The following PTPRD variants were observed in gnomAD, a reference collection of about 807,000 sequenced individuals.
PTPRD encodes protein tyrosine phosphatase receptor type D.
A neutral mutation model predicts 214.5 loss-of-function variants in PTPRD; 34 were observed. The ratio of observed to expected loss-of-function variants is 0.16; its 90% CI spans 0.12 to 0.21. PTPRD has a LOEUF of 0.21. PTPRD is among the 10% of genes least tolerant of loss of function. The probability of loss-of-function intolerance (pLI) is 1.00; values close to 1 mark genes in which losing one functional copy is unlikely to be tolerated. For synonymous variants in PTPRD, 1,128 were observed against 845.7 expected (o/e 1.33, Z -5.79); for missense variants, 2,545 against 2,398.7 (o/e 1.06, Z -1.27).
intron 9 of PTPRD, among the ~76,000 whole-genome samples, chr9:9,351,554 G>A (rs2051150041): frequency 6.6e-6 from 1 of 151,946 alleles, no homozygotes; most frequent in East Asian, 1.9e-4. Context: ...TAATCAGGGA[G>A]GCCAAATAAA....
chr9:10,579,121 T>C (rs1002035628), intron 2 of PTPRD, among the ~76,000 whole-genome samples: 1 of 151,966 alleles, frequency 6.6e-6, no homozygotes, highest in Non-Finnish European at 1.5e-5. Flanking sequence ...CCCCTCCCTG[T>C]GTGGATTACT....
Position 10,170,576 on chromosome 9 carries a change from A to C in PTPRD, c.-544-136786T>G, listed in dbSNP as rs1195085479. Among the ~76,000 whole-genome samples, 61 of 151,778 alleles carry C rather than the reference A, an allele frequency of 4.0e-4. 1 individual carries two copies. The highest frequency in any genetic ancestry group is 4.0e-3 in the Admixed American group (61 of 15,232). On this transcript the variant is annotated intron_variant, in intron 3 of 45. Transcript: ENST00000381196. ...GTGGCAGGCGCCTGTAGTCCCAGCTACTCTGGAGGCTGAGGCAGGAGAATG... is the reference window on the plus strand; with the variant it reads ...GTGGCAGGCGCCTGTAGTCCCAGCTCCTCTGGAGGCTGAGGCAGGAGAATG...
At chr9:8,734,440 G>C (rs1033527950) in intron 11 of PTPRD, among the ~76,000 whole-genome samples, 4 of 152,212 alleles carry the variant, frequency 2.6e-5, no homozygotes, top group Non-Finnish European at 5.9e-5. Context: ...AACTTCTCCA[G>C]GTAAATAGCA....
At chr9:8,996,777 C>T (rs2099398476) in intron 11 of PTPRD, among the ~76,000 whole-genome samples, 1 of 152,018 alleles carries the variant, frequency 6.6e-6, no homozygotes, top group Admixed American at 6.6e-5. Context: ...GCCTAATCAC[C>T]TCCCCAAGGC....
At chr9:9,553,381 C>T (rs1315616180) in intron 8 of PTPRD, among the ~76,000 whole-genome samples, 1 of 152,012 alleles carries the variant, frequency 6.6e-6, no homozygotes, top group African/African-American at 2.4e-5. Flanking sequence ...ATTGTACAAA[C>T]CTAATCACTT....
chr9:9,363,186 T>G (rs546467104), intron 9 of PTPRD, among the ~76,000 whole-genome samples: 69 of 150,888 alleles, frequency 4.6e-4, no homozygotes, highest in Admixed American at 9.3e-4. Context: ...TTTGGTTGTT[T>G]CTTGTTTTTG....
chr9:9,202,415 C>A (rs1468188006), intron 9 of PTPRD, among the ~76,000 whole-genome samples: 3 of 152,074 alleles, frequency 2.0e-5, no homozygotes, highest in African/African-American at 7.2e-5. Flanking sequence ...TTAAAGCTGT[C>A]CCTGACAGCT....
Position 8,644,471 on chromosome 9 carries a change from T to C in PTPRD, c.65-7627A>G, listed in dbSNP as rs185620491. Among the ~76,000 whole-genome samples, 513 of 152,302 alleles carry C rather than the reference T, an allele frequency of 3.4e-3. 2 individuals are homozygous for C. Among genetic ancestry groups the C allele is most frequent in the African/African-American group, 0.012 (492 of 41,572 alleles). ...CCAACTGGCAAGGCTAAAAGAGCTG[T>C]AACACAAACAGGGCTGAAACATGCC... is the stretch of plus-strand genomic sequence containing the variant. On this transcript the variant is annotated intron_variant, in intron 12 of 45. Coordinates refer to ENST00000381196, the MANE Select transcript of PTPRD (RefSeq NM_002839.4).
chr9:9,721,765 C>A (rs61203766), intron 7 of PTPRD, among the ~76,000 whole-genome samples: 2,285 of 152,110 alleles, frequency 0.015, 57 homozygotes, highest in African/African-American at 0.051. Flanking sequence ...TCATTCAGGT[C>A]ATTTCTATGT....
chr9:9,885,914 G>C (rs567957629), intron 5 of PTPRD, among the ~76,000 whole-genome samples: 95 of 151,702 alleles, frequency 6.3e-4, no homozygotes, highest in Middle Eastern at 3.4e-3. Context: ...CTATCTGAAA[G>C]AGATCTGTGA....
At chr9:10,414,627 A>G (rs1288762423) in intron 2 of PTPRD, among the ~76,000 whole-genome samples, 1 of 151,978 alleles carries the variant, frequency 6.6e-6, no homozygotes, top group Non-Finnish European at 1.5e-5. Flanking sequence ...TACCATAAAG[A>G]CACATGCACG....
intron 7 of PTPRD, among the ~76,000 whole-genome samples, chr9:9,725,354 T>C (rs557981745): frequency 9.9e-5 from 15 of 151,106 alleles, no homozygotes; most frequent in African/African-American, 3.6e-4. Context: ...GTAAAAGACA[T>C]AACTCACTCC....
At chr9:8,637,735 A>G (rs1055311648) in intron 12 of PTPRD, among the ~76,000 whole-genome samples, 1 of 152,242 alleles carries the variant, frequency 6.6e-6, no homozygotes, top group African/African-American at 2.4e-5. Flanking sequence ...GCAAAAGAGT[A>G]TAAGTAGTTG....
At chr9:8,713,030 T>C (rs1009839250) in intron 12 of PTPRD, among the ~76,000 whole-genome samples, 10 of 152,208 alleles carry the variant, frequency 6.6e-5, no homozygotes, top group African/African-American at 2.4e-4. Flanking sequence ...GATTCTTTAA[T>C]ATGTTACAAA....
At chr9:10,317,102 G>A (rs1312914649) in intron 3 of PTPRD, among the ~76,000 whole-genome samples, 1 of 151,876 alleles carries the variant, frequency 6.6e-6, no homozygotes, top group South Asian at 2.1e-4. Context: ...TTTCCCTTGT[G>A]ACACTGGCTA....
At chr9:9,415,787 T>C (rs1448159068) in intron 8 of PTPRD, among the ~76,000 whole-genome samples, 1 of 152,128 alleles carries the variant, frequency 6.6e-6, no homozygotes, top group Non-Finnish European at 1.5e-5. Flanking sequence ...GTAGTGGAAG[T>C]GAAAGATACA....
intron 12 of PTPRD, among the ~76,000 whole-genome samples, chr9:8,671,937 C>T (rs994758571): frequency 6.6e-6 from 1 of 152,112 alleles, no homozygotes; most frequent in Non-Finnish European, 1.5e-5. Flanking sequence ...ACATTCTTTA[C>T]ATACATACTC....
intron 3 of PTPRD, among the ~76,000 whole-genome samples, chr9:10,193,303 C>T (rs1022514162): frequency 1.3e-5 from 2 of 151,182 alleles, no homozygotes; most frequent in African/African-American, 4.9e-5. Context: ...TAAACTTGAC[C>T]TGGGGAAAAA....
chr9:10,380,957 G>A (rs1158272832), intron 2 of PTPRD, among the ~76,000 whole-genome samples: 2 of 151,820 alleles, frequency 1.3e-5, no homozygotes. Flanking sequence ...TTCACACTTA[G>A]TTACTCCAAA....
Sources: gnomAD v4.1 joint callset for allele counts (sites outside exome capture counted in the v4.1 genomes callset) on GRCh38, gnomAD v4.1.1 for gene constraint, MANE v1.5 for transcripts, NCBI Gene and HGNC (gene_info 2026-07-23, HGNC 2026-07-21) for gene names.